Variants in LRP1B observed in about 807,000 individuals in gnomAD.
The protein encoded by LRP1B is low-density lipoprotein receptor-related protein 1B.
Under a neutral mutation model 556.6 loss-of-function variants are expected in LRP1B, and 217 were observed. That is an observed-to-expected ratio of 0.39 (90% CI 0.35 to 0.44). The LOEUF is 0.44. LRP1B is among the 20% of genes least tolerant of loss of function. The pLI is 1.00. For missense variants in LRP1B, 5,053 were observed against 5,620.8 expected (o/e 0.90, Z 3.23); for synonymous variants, 2,047 against 1,865.8 (o/e 1.10, Z -2.50).
At chr2:141,074,530 T>C (rs1699729690) in intron 7 of LRP1B, among the ~76,000 whole-genome samples, 1 of 150,720 alleles carries the variant, frequency 6.6e-6, no homozygotes. Context: ...CTTAGCCATA[T>C]GTCTGCACAT....
intron 1 of LRP1B, among the ~76,000 whole-genome samples, chr2:142,126,266 C>CTT (rs148163202): frequency 4.0e-5 from 6 of 148,264 alleles, no homozygotes; most frequent in Non-Finnish European, 6.0e-5. Context: ...TTTCATTTCA[C>CTT]TTTTTTTTTT....
In LRP1B at chr2:141,806,347, C is replaced by G. The variant is rs75352496; in HGVS notation, c.205+3932G>C. 3.0e-3 allele frequency among the ~76,000 whole-genome samples: 449 copies of G among 151,956 alleles called. 3 individuals are homozygous for G. Among genetic ancestry groups the G allele is most frequent in the African/African-American group, 0.01 (425 of 41,468 alleles). ...CTATGAGTAGAAAGATGGTGATTTC[C>G]CTGATTTTCTATTCTCATTGCCTCA... On this transcript the variant is annotated intron_variant, in intron 2 of 90. Transcript: ENST00000389484.
intron 1 of LRP1B, among the ~76,000 whole-genome samples, chr2:141,945,508 T>G (rs1700927066): frequency 6.6e-6 from 1 of 150,812 alleles, no homozygotes; most frequent in Non-Finnish European, 1.5e-5. Flanking sequence ...TATTCTTCAT[T>G]TCAGTTTATA....
chr2:142,103,356 A>G (rs1706632645), intron 1 of LRP1B, among the ~76,000 whole-genome samples: 1 of 151,952 alleles, frequency 6.6e-6, no homozygotes, highest in Non-Finnish European at 1.5e-5. Flanking sequence ...CTCAATGTAT[A>G]TATACAAGTC....
At position 141,767,027 on chromosome 2, in the gene LRP1B, T is replaced by C. The variant is rs550189676; in HGVS notation, c.205+43252A>G. On this transcript the variant is annotated intron_variant, in intron 2 of 90. Coordinates refer to ENST00000389484, the MANE Select transcript of LRP1B (RefSeq NM_018557.3). Reference sequence around the variant, plus strand: ...ATAACAATTTTTTATTATTCTTAGTTGGACTTTACCTAAAAGAAAATAATG... The same window carrying C: ...ATAACAATTTTTTATTATTCTTAGTCGGACTTTACCTAAAAGAAAATAATG... Among the ~76,000 whole-genome samples, 79 of 152,230 alleles carry C rather than the reference T, an allele frequency of 5.2e-4. 1 individual carries two copies. The highest frequency in any genetic ancestry group is 7.2e-4 in the Admixed American group (11 of 15,292).
rs79682732 is a variant in LRP1B at position 141,627,221 on chromosome 2, C to T, written c.206-146688G>A. Among the ~76,000 whole-genome samples, 589 of 152,252 alleles carry T rather than the reference C, an allele frequency of 3.9e-3. 4 individuals carry two copies. Among genetic ancestry groups the T allele is most frequent in the African/African-American group, 0.014 (567 of 41,548 alleles). Reference sequence around the variant, plus strand: ...AAAGGCTACATACTGTTGATTCCAGCTATGACATGCTGTGAAAAGCAAAAC... The same window carrying T: ...AAAGGCTACATACTGTTGATTCCAGTTATGACATGCTGTGAAAAGCAAAAC... On this transcript the variant is annotated intron_variant, in intron 2 of 90. Transcript: ENST00000389484.
rs1700267668 is a variant in LRP1B at position 141,095,221 on chromosome 2, T to C, written c.1014-32948A>G. The stretch of plus-strand genomic sequence containing the variant: ...TTATTAAAAATTACCCAGTCCCAGG[T>C]TATCTGTTATAGCAGCACAAAATGC... On this transcript the variant is annotated intron_variant, in intron 7 of 90. Transcript: ENST00000389484. Among the ~76,000 whole-genome samples, 4 of 151,310 alleles carry C rather than the reference T, an allele frequency of 2.6e-5. No individual in the cohort carries two copies. In the Admixed American group the frequency reaches 2.6e-4, roughly 10 times the overall value.
intron 66 of LRP1B, among the ~76,000 whole-genome samples, chr2:140,414,445 C>A (rs1011481024): frequency 6.6e-6 from 1 of 152,080 alleles, no homozygotes; most frequent in Non-Finnish European, 1.5e-5. Flanking sequence ...AAACAATCCA[C>A]ATTTACTGTA....
At chr2:141,999,481 A>C (rs1011044625) in intron 1 of LRP1B, among the ~76,000 whole-genome samples, 4 of 152,168 alleles carry the variant, frequency 2.6e-5, no homozygotes, top group African/African-American at 9.6e-5. Context: ...AGATTTGAAA[A>C]ATATATTACA....
chr2:140,705,521 CAAAAAAA>C lies in LRP1B; in HGVS notation c.6024-2975_6024-2969del, dbSNP rs565447198. On this transcript the variant is annotated intron_variant, in intron 37 of 90. Transcript: ENST00000389484. Reference sequence around the variant, plus strand: ...CATGGGGAACAGAGTGAGACTGTCTCAAAAAAAAAAAAAAAAAAAAAAAAAAAAAAAA... The same window carrying C: ...CATGGGGAACAGAGTGAGACTGTCTCAAAAAAAAAAAAAAAAAAAAAAAAA... Among the ~76,000 whole-genome samples the C allele has an allele frequency of 9.5e-4, 65 of 68,210 alleles. 1 individual carries two copies. Among genetic ancestry groups the C allele is most frequent in the African/African-American group, 4.1e-3 (59 of 14,476 alleles). The allele number at this position is 68,210 out of a possible 152,430, so 44.7% of individuals were successfully genotyped here. A position where few individuals can be genotyped will look rare whatever the true frequency, so the allele number is the denominator to read the frequency against.
At position 141,105,014 on chromosome 2, in the gene LRP1B, TATAATAAATAA is replaced by T. The variant is rs1353058829; in HGVS notation, c.1014-42752_1014-42742del. Among the ~76,000 whole-genome samples, 4 of 151,964 alleles carry T rather than the reference TATAATAAATAA, an allele frequency of 2.6e-5. No individual in the cohort carries two copies. In the East Asian group the frequency reaches 5.8e-4, roughly 22 times the overall value. ...AATAGCACTTGATTCATAAGGCTCT[TATAATAAATAA>T]ATAATAAATAAATAAAATTGGCTTA... On this transcript the variant is annotated intron_variant, in intron 7 of 90. Coordinates refer to ENST00000389484, the MANE Select transcript of LRP1B (RefSeq NM_018557.3).
chr2:140,723,466 A>G (rs1478426908), intron 35 of LRP1B, among the ~76,000 whole-genome samples: 2 of 152,212 alleles, frequency 1.3e-5, no homozygotes, highest in East Asian at 1.9e-4. Context: ...AGGAGTCATC[A>G]AGAAAGTTAA....
chr2:141,386,172 AC>A (rs1689828345), intron 3 of LRP1B, among the ~76,000 whole-genome samples: 1 of 152,164 alleles, frequency 6.6e-6, no homozygotes, highest in South Asian at 2.1e-4. Context: ...TGTGTATGAA[AC>A]AAAAATTTTA....
At chr2:141,059,905 G>T (rs1699290642) in intron 8 of LRP1B, among the ~76,000 whole-genome samples, 1 of 151,728 alleles carries the variant, frequency 6.6e-6, no homozygotes, top group African/African-American at 2.4e-5. Flanking sequence ...TAATTTAAAT[G>T]GTTCTGTTCC....
chr2:141,091,778 T>C (rs1370747058), intron 7 of LRP1B, among the ~76,000 whole-genome samples: 2 of 152,196 alleles, frequency 1.3e-5, no homozygotes, highest in Non-Finnish European at 1.5e-5. Flanking sequence ...ATCATACAAA[T>C]GTCAGACAAT....
At chr2:140,884,074 A>G in intron 24 of LRP1B, 53 bp from the exon 25 acceptor site, 1 of 1,536,104 alleles carries the variant, frequency 6.5e-7, no homozygotes, top group Non-Finnish European at 8.9e-7. Flanking sequence ...TGTGTTAAGC[A>G]CAAAGGAAAA....
chr2:141,955,939 C>T (rs921393174), intron 1 of LRP1B, among the ~76,000 whole-genome samples: 10 of 151,914 alleles, frequency 6.6e-5, no homozygotes, highest in African/African-American at 1.9e-4. Context: ...TGCAGTGGTT[C>T]GCAACTGTAA....
chr2:141,528,590 T>A lies in LRP1B; in HGVS notation c.206-48057A>T, dbSNP rs181222021. ...TATGAAAATATATACACATATATAGTACACACAAATATTTCAATATATGAC... is the reference window on the plus strand; with the variant it reads ...TATGAAAATATATACACATATATAGAACACACAAATATTTCAATATATGAC... On this transcript the variant is annotated intron_variant, in intron 2 of 90. Transcript: ENST00000389484. Among the ~76,000 whole-genome samples the A allele has an allele frequency of 7.9e-5, 12 of 152,240 alleles. 1 individual carries two copies. In the East Asian group the frequency reaches 2.3e-3, roughly 29 times the overall value.
At chr2:141,440,294 G>A (rs1245136540) in intron 3 of LRP1B, among the ~76,000 whole-genome samples, 1 of 152,206 alleles carries the variant, frequency 6.6e-6, no homozygotes, top group African/African-American at 2.4e-5. Context: ...AGAGGACTTA[G>A]TCTGCAATAC....
Sources: gnomAD v4.1 joint callset for allele counts (sites outside exome capture counted in the v4.1 genomes callset) on GRCh38, gnomAD v4.1.1 for gene constraint, MANE v1.5 for transcripts, NCBI Gene and HGNC (gene_info 2026-07-23, HGNC 2026-07-21) for gene names.